The following NBEAL1 variants were observed in gnomAD, a reference collection of about 807,000 sequenced individuals.
NBEAL1 encodes neurobeachin-like protein 1.
In NBEAL1, 273 loss-of-function variants were observed where a neutral mutation model predicts 351.3. That is an observed-to-expected ratio of 0.78 (90% CI 0.70 to 0.86). NBEAL1 has a LOEUF of 0.86. Among genes scored for constraint, NBEAL1 ranks in the 40% least tolerant of loss-of-function variants. The pLI is 0.00. For synonymous variants in NBEAL1, 1,050 were observed against 1,086.4 expected (o/e 0.97, Z 0.66); for missense variants, 2,961 against 3,201.3 (o/e 0.92, Z 1.81).
intron 10 of NBEAL1, among the ~76,000 whole-genome samples, chr2:203,089,086 C>T (rs541297598): frequency 5.3e-5 from 8 of 152,198 alleles, no homozygotes; most frequent in South Asian, 2.1e-4. Context: ...AGGCCAGACG[C>T]GGTGGCTCAA....
chr2:203,165,379 G>A (rs2064102087), intron 36 of NBEAL1, among the ~76,000 whole-genome samples: 1 of 152,136 alleles, frequency 6.6e-6, no homozygotes, highest in South Asian at 2.1e-4. Context: ...AGTTACTCTT[G>A]AAAGTCTCAT....
intron 34 of NBEAL1, among the ~76,000 whole-genome samples, chr2:203,150,437 A>AAT (rs762739271): frequency 1.2e-3 from 187 of 151,148 alleles, no homozygotes; most frequent in African/African-American, 3.0e-3. Context: ...TGTATATATA[A>AAT]ATATATATAT....
intron 42 of NBEAL1, among the ~76,000 whole-genome samples, chr2:203,177,702 A>G (rs375398520): frequency 1.3e-5 from 2 of 152,278 alleles, no homozygotes; most frequent in South Asian, 4.1e-4. Flanking sequence ...TGTGGAAAAT[A>G]GTCTGGCAGT....
chr2:203,020,194 A>G (rs1342409306), intron 2 of NBEAL1, among the ~76,000 whole-genome samples: 2 of 152,176 alleles, frequency 1.3e-5, no homozygotes, highest in African/African-American at 4.8e-5. Flanking sequence ...TTTCAGGTCT[A>G]ACTTCACTTT....
At chr2:203,201,184 C>G (rs1240106611) in intron 49 of NBEAL1, among the ~76,000 whole-genome samples, 1 of 152,216 alleles carries the variant, frequency 6.6e-6, no homozygotes, top group African/African-American at 2.4e-5. Context: ...AAGTTTATTT[C>G]TGATATTCCT....
At chr2:203,038,051 T>A (rs566943098) in intron 2 of NBEAL1, among the ~76,000 whole-genome samples, 1 of 149,382 alleles carries the variant, frequency 6.7e-6, no homozygotes, top group African/African-American at 2.4e-5. Context: ...TTTTGAAAAA[T>A]TTTTTTGTCA....
chr2:203,086,590 G>T (rs894632322), intron 10 of NBEAL1, among the ~76,000 whole-genome samples: 1 of 152,078 alleles, frequency 6.6e-6, no homozygotes, highest in African/African-American at 2.4e-5. Flanking sequence ...GCTGGAGTGA[G>T]GTGGTATGAT....
At chr2:203,175,125 C>T (rs1318612117) in intron 41 of NBEAL1, 22 bp from the exon 42 acceptor site, 2 of 1,596,038 alleles carry the variant, frequency 1.3e-6, no homozygotes, top group Non-Finnish European at 1.7e-6. Flanking sequence ...GGTTTTAAAA[C>T]TTTAGGATTT....
intron 29 of NBEAL1, 112 bp from the exon 30 acceptor site, chr2:203,138,047 ATAG>A: frequency 1.1e-6 from 1 of 912,586 alleles, no homozygotes; most frequent in Non-Finnish European, 1.7e-6. Flanking sequence ...CCTGCTAGAG[ATAG>A]TATATCTTTA....
rs1202331905 is a variant in NBEAL1 at position 203,224,490 on chromosome 2, T to A, written c.*7136T>A. On this transcript the variant is annotated 3_prime_UTR_variant, in exon 56 of 56. Coordinates refer to ENST00000683969, the MANE Select transcript of NBEAL1 (RefSeq NM_001378026.1). The stretch of plus-strand genomic sequence containing the variant: ...AAAAATATGAAACATATTTAATTCA[T>A]CTCTTTTGTCAGTTTTTCTGGGACT... Among the ~76,000 whole-genome samples the A allele has an allele frequency of 6.6e-6, 1 of 152,172 alleles. No individual in the cohort carries two copies. Among genetic ancestry groups the A allele is most frequent in the Non-Finnish European group, 1.5e-5 (1 of 67,990 alleles).
intron 2 of NBEAL1, among the ~76,000 whole-genome samples, chr2:203,037,549 T>A (rs2061059744): frequency 6.7e-6 from 1 of 149,236 alleles, no homozygotes; most frequent in South Asian, 2.1e-4. Flanking sequence ...TAAACACTAC[T>A]TTAGTCAAGA....
rs777347507 is a variant in NBEAL1 at position 203,157,865 on chromosome 2, G to A, written c.5714+40G>A. Reference sequence around the variant, plus strand: ...TTAAAATTATTTTGTTCTGAGAAAGGGGATTGCAAAATCGTGGAAAAGATT... The same window carrying A: ...TTAAAATTATTTTGTTCTGAGAAAGAGGATTGCAAAATCGTGGAAAAGATT... On this transcript the variant is annotated intron_variant, in intron 36 of 55. Transcript: ENST00000683969. The A allele has an allele frequency of 5.6e-6, 8 of 1,419,958 alleles. No homozygotes were observed. The East Asian group carries it at 1.8e-4, about 32-fold the overall frequency. The allele number at this position is 1,419,958 out of a possible 1,614,324, so 88.0% of individuals were successfully genotyped here. A position where few individuals can be genotyped will look rare whatever the true frequency, so the allele number is the denominator to read the frequency against.
intron 3 of NBEAL1, among the ~76,000 whole-genome samples, chr2:203,049,245 A>G (rs966250689): frequency 4.0e-5 from 6 of 151,202 alleles, no homozygotes; most frequent in African/African-American, 1.5e-4. Flanking sequence ...TTTTTAGTAG[A>G]GATGGGGTTC....
chr2:203,129,873 A>G (rs1341725611), intron 24 of NBEAL1, among the ~76,000 whole-genome samples: 1 of 152,204 alleles, frequency 6.6e-6, no homozygotes, highest in African/African-American at 2.4e-5. Context: ...ACTAAAGGAA[A>G]TTGAATAAGA....
At position 203,138,262 on chromosome 2, in the gene NBEAL1, C is replaced by G; in HGVS notation, c.4666C>G (p.Gln1556Glu). Residue 1556 changes from glutamine to glutamate, a missense_variant, in exon 30 of 56, where the codon CAG becomes GAG. Physicochemically the swap from Gln to Glu is conservative, Grantham distance 29 (BLOSUM62 2). Coordinates refer to ENST00000683969, the MANE Select transcript of NBEAL1 (RefSeq NM_001378026.1). Reference sequence around the variant, plus strand: ...CGCCTTCCGACTAGTGCTGATCATACAGGACTTTCTTCAGTCAGAGGGACT... The same window carrying G: ...CGCCTTCCGACTAGTGCTGATCATAGAGGACTTTCTTCAGTCAGAGGGACT... Reference protein sequence around the residue: ...ENAFRLVLIIQDFLQSEGLVN... With the variant: ...ENAFRLVLIIEDFLQSEGLVN... 1 of 1,614,048 alleles carries G rather than the reference C, an allele frequency of 6.2e-7. No individual in the cohort carries two copies. Among genetic ancestry groups the G allele is most frequent in the Non-Finnish European group, 8.5e-7 (1 of 1,179,958 alleles).
chr2:203,195,003 C>G, intron 47 of NBEAL1, among the ~76,000 whole-genome samples: 1 of 151,976 alleles, frequency 6.6e-6, no homozygotes, highest in East Asian at 1.9e-4. Context: ...TGAGACCATC[C>G]TGGCTAACAT....
rs1302595612 is a variant in NBEAL1 at position 203,132,912 on chromosome 2, T to C, written c.3725-146T>C. On this transcript the variant is annotated intron_variant, in intron 26 of 55. Coordinates refer to ENST00000683969, the MANE Select transcript of NBEAL1 (RefSeq NM_001378026.1). Reference sequence around the variant, plus strand: ...AGGAGGATGTCAAACATTCTAAACCTATTTTTTCTTTAAAATTTGAACATA... The same window carrying C: ...AGGAGGATGTCAAACATTCTAAACCCATTTTTTCTTTAAAATTTGAACATA... 5.6e-6 allele frequency: 3 copies of C among 534,682 alleles called. No individual in the cohort carries two copies. In the African/African-American group the frequency reaches 5.9e-5, roughly 11 times the overall value. The allele number at this position is 534,682 out of a possible 1,614,324, so 33.1% of individuals were successfully genotyped here. A position where few individuals can be genotyped will look rare whatever the true frequency, so the allele number is the denominator to read the frequency against.
intron 2 of NBEAL1, among the ~76,000 whole-genome samples, chr2:203,027,913 C>T (rs1483481563): frequency 2.0e-5 from 3 of 151,512 alleles, no homozygotes; most frequent in Admixed American, 1.3e-4. Context: ...TAAATGGAGT[C>T]TCGCTCTGTC....
Position 203,213,588 on chromosome 2 carries a change from A to G in NBEAL1, c.8005A>G (p.Ser2669Gly). Residue 2669 changes from serine (S) to glycine (G), a missense_variant, in exon 55 of 56, where the codon AGC (serine) becomes GGC (glycine). Transcript: ENST00000683969. ...TTGTGTTTGTGTCACCAAAGAATAC[A>G]GCCATATTCTTGTAGGTTTAGAAGA... ...IHCVCVTKEY[S>G]HILVGLEDGK... 1 of 1,613,826 alleles carries G rather than the reference A, an allele frequency of 6.2e-7. No homozygotes were observed. Among genetic ancestry groups the G allele is most frequent in the Non-Finnish European group, 8.5e-7 (1 of 1,179,710 alleles).
Sources: allele counts gnomAD v4.1 joint callset (sites outside exome capture counted in the v4.1 genomes callset), GRCh38; gene constraint gnomAD v4.1.1; transcripts MANE v1.5; gene names NCBI Gene and HGNC (gene_info 2026-07-23, HGNC 2026-07-21).